Variants in GEMIN7 observed in about 807,000 individuals in gnomAD.
GEMIN7 encodes the protein gem nuclear organelle associated protein 7.
Under a neutral mutation model 7.8 loss-of-function variants are expected in GEMIN7, and 7 were observed. The observed-to-expected ratio is 0.90, with a 90% CI of 0.51 to 1.69. GEMIN7 has a LOEUF of 1.69. GEMIN7 is among the 40% of genes most tolerant of loss of function. The pLI is 0.00. For missense variants in GEMIN7, 159 were observed against 176.2 expected, an observed-to-expected ratio of 0.90 and a Z score of 0.55; for synonymous variants, 68 against 72.4, an observed-to-expected ratio of 0.94 and a Z score of 0.31.
chr19:45,076,913 T>C (rs1214606692), upstream of GEMIN7: 2 of 152,326 alleles, frequency 1.3e-5, no homozygotes, highest in South Asian at 4.1e-4. This position sits in a 1 kb window ranked among gnomAD's most constrained non-coding sequence, Gnocchi z 4.9. Flanking sequence ...AAGATAATCT[T>C]TGTTTGCACG....
upstream of GEMIN7, chr19:45,075,710 C>A (rs1337535190): frequency 5.6e-6 from 9 of 1,613,752 alleles, no homozygotes; most frequent in Non-Finnish European, 7.6e-6. Context: ...CGGCTTTACT[C>A]ACCTGAGCCC....
At chr19:45,081,203 A>C (rs939529432) in intron 2 of GEMIN7, among the ~76,000 whole-genome samples, 1 of 152,212 alleles carries the variant, frequency 6.6e-6, no homozygotes, top group Non-Finnish European at 1.5e-5. Context: ...ACGGTGGCTC[A>C]TGCCTGTAAT....
chr19:45,089,854 G>A (rs2122688123), intron 2 of GEMIN7, among the ~76,000 whole-genome samples: 1 of 152,344 alleles, frequency 6.6e-6, no homozygotes. Context: ...TTGCCTATAA[G>A]TTGAGATAAA....
chr19:45,087,987 C>T (rs1381281774), intron 2 of GEMIN7, among the ~76,000 whole-genome samples: 1 of 143,560 alleles, frequency 7.0e-6, no homozygotes, highest in Non-Finnish European at 1.5e-5. Flanking sequence ...GCTCTGTCGC[C>T]CAGGCTGGAG....
chr19:45,089,232 G>A lies in GEMIN7; in HGVS notation c.-8-875G>A, dbSNP rs867478613. 3.9e-5 allele frequency among the ~76,000 whole-genome samples: 6 copies of A among 152,038 alleles called. No homozygotes were observed. The South Asian group carries it at 6.2e-4, about 16-fold the overall frequency. ...GTTGGGATTACAGGTGTGAGCCACC[G>A]CACCCGGCCCTATCCACACATTTTT... is the stretch of plus-strand genomic sequence containing the variant. On this transcript the variant is annotated intron_variant, in intron 2 of 2. Coordinates refer to ENST00000270257, the MANE Select transcript of GEMIN7 (RefSeq NM_024707.3).
intron 2 of GEMIN7, among the ~76,000 whole-genome samples, chr19:45,085,925 T>C (rs1423402545): frequency 7.5e-6 from 1 of 133,232 alleles, no homozygotes; most frequent in Non-Finnish European, 1.5e-5. Flanking sequence ...TGGAGTGCAG[T>C]GGCGTGGTCT....
At chr19:45,080,989 G>C (rs1967486217) in intron 2 of GEMIN7, among the ~76,000 whole-genome samples, 1 of 152,040 alleles carries the variant, frequency 6.6e-6, no homozygotes, top group Admixed American at 6.6e-5. Flanking sequence ...CTAAATTGGA[G>C]TGACAGTGGT....
chr19:45,075,695 G>A (rs1243539193), upstream of GEMIN7: 17 of 1,612,026 alleles, frequency 1.1e-5, no homozygotes, highest in Non-Finnish European at 1.4e-5. Flanking sequence ...GAGGGGGACT[G>A]CACCCGGCTT....
upstream of GEMIN7, among the ~76,000 whole-genome samples, chr19:45,077,864 C>CT (rs879531338): frequency 6.1e-3 from 889 of 145,178 alleles, 10 homozygotes; most frequent in African/African-American, 0.019. Flanking sequence ...TCTGATCACC[C>CT]TTTTTTTTTT....
At chr19:45,086,769 T>C (rs1967701999) in intron 2 of GEMIN7, among the ~76,000 whole-genome samples, 1 of 152,190 alleles carries the variant, frequency 6.6e-6, no homozygotes. Context: ...TTCCATACAA[T>C]GGAAGAGAAA....
chr19:45,087,414 A>G (rs910716136), intron 2 of GEMIN7, among the ~76,000 whole-genome samples: 7 of 151,996 alleles, frequency 4.6e-5, no homozygotes, highest in Non-Finnish European at 1.0e-4. Flanking sequence ...AAGTGCTAGG[A>G]TTATAGGCAT....
chr19:45,075,978 A>C, upstream of GEMIN7: 1 of 1,578,122 alleles, frequency 6.3e-7, no homozygotes, highest in Non-Finnish European at 8.6e-7. Flanking sequence ...GACGGGGCGA[A>C]GGAGATAAGG....
rs1317508018 is a variant in GEMIN7 at position 45,090,087 on chromosome 19, T to A, written c.-8-20T>A. On this transcript the variant is annotated intron_variant, in intron 2 of 2. Coordinates refer to ENST00000270257, the MANE Select transcript of GEMIN7 (RefSeq NM_024707.3). ...TGCTTACCATGTAATGACTTCCTGCTCTTTTTCTTCACTCAACAGCCAAGA... is the reference window on the plus strand; with the variant it reads ...TGCTTACCATGTAATGACTTCCTGCACTTTTTCTTCACTCAACAGCCAAGA... The A allele has an allele frequency of 6.3e-7, 1 of 1,588,346 alleles. No individual in the cohort carries two copies. The highest frequency in any genetic ancestry group is 1.7e-5 in the Admixed American group (1 of 57,596).
intron 2 of GEMIN7, among the ~76,000 whole-genome samples, chr19:45,081,623 TTTTG>T (rs199776825): frequency 0.015 from 2,331 of 152,052 alleles, 64 homozygotes; most frequent in African/African-American, 0.051. Context: ...ACCTTTCTTT[TTTTG>T]TTTGTTTTTG....
chr19:45,076,384 CCGGGCGAGCGAG>C (rs1215553687), upstream of GEMIN7: 3 of 1,289,568 alleles, frequency 2.3e-6, no homozygotes, highest in African/African-American at 4.6e-5. The surrounding 1 kb of genome is among the most constrained non-coding windows in gnomAD (Gnocchi z 4.9). Flanking sequence ...GAGTCGCGGG[CCGGGCGAGCGAG>C]CGGGCGGGCA....
chr19:45,076,407 G>C (rs1380676916), upstream of GEMIN7: 1 of 1,232,102 alleles, frequency 8.1e-7, no homozygotes, highest in Non-Finnish European at 1.0e-6. This position sits in a 1 kb window ranked among gnomAD's most constrained non-coding sequence, Gnocchi z 4.9. Flanking sequence ...CGGGCGGGCA[G>C]GCAGGCAGGC....
rs140936548 is a variant in GEMIN7 at position 45,090,182 on chromosome 19, G to T, written c.68G>T (p.Arg23Leu). ...CCCCGGGGCCCTGATGGCTTCAGCC[G>T]TGGCTTTGCCCCTGATGGACGCAGA... ...RLPRGPDGFS[R>L]GFAPDGRRAP... Residue 23 changes from arginine to leucine, a missense_variant, in exon 3 of 3, where the codon CGT becomes CTT. By Grantham distance (102) the Arg-to-Leu change is moderately radical. Transcript: ENST00000270257. The T allele has an allele frequency of 1.9e-6, 3 of 1,614,166 alleles. No individual in the cohort carries two copies. The highest frequency in any genetic ancestry group is 2.2e-5 in the East Asian group (1 of 44,892).
upstream of GEMIN7, chr19:45,075,641 C>CAGCCCAGCCCCTTTCCAGCAGGA (rs1967331812): frequency 6.4e-7 from 1 of 1,569,082 alleles, no homozygotes; most frequent in East Asian, 2.3e-5. Flanking sequence ...CCCTGCCGTC[C>CAGCCCAGCCCCTTTCCAGCAGGA]AGCCCAGCCC....
Position 45,090,357 on chromosome 19 carries a change from G to A in GEMIN7, c.243G>A (p.Thr81=). ...TGGTGGGTCATCAGGTGAGCTTCACGTTGCACGAGGGTGTGCGTGTGGCCG... is the reference window on the plus strand; with the variant it reads ...TGGTGGGTCATCAGGTGAGCTTCACATTGCACGAGGGTGTGCGTGTGGCCG... The part of the protein sequence containing the change: ...LAMVGHQVSF[T]LHEGVRVAAH... The change falls in exon 3 of 3, where the codon ACG becomes ACA. Residue 81 remains threonine, a synonymous_variant. Transcript: ENST00000270257. 1.2e-6 allele frequency: 2 copies of A among 1,614,184 alleles called. No individual in the cohort carries two copies. Among genetic ancestry groups the A allele is most frequent in the East Asian group, 4.5e-5 (2 of 44,892 alleles).
Sources: gnomAD v4.1 joint callset for allele counts (sites outside exome capture counted in the v4.1 genomes callset) on GRCh38, gnomAD v4.1.1 for gene constraint, Gnocchi (gnomAD v3.1) non-coding constraint, MANE v1.5 for transcripts, NCBI Gene and HGNC (gene_info 2026-07-23, HGNC 2026-07-21) for gene names.